Variants in CELSR1 observed in about 807,000 individuals in gnomAD.
CELSR1 encodes the protein cadherin EGF LAG seven-pass G-type receptor 1.
CELSR1 carries 110 observed loss-of-function variants against 249.1 expected under a neutral mutation model. The ratio of observed to expected loss-of-function variants is 0.44; its 90% CI spans 0.38 to 0.52. CELSR1 has a LOEUF of 0.52. CELSR1 is among the 20% of genes least tolerant of loss of function. The pLI, the probability that CELSR1 is intolerant of heterozygous loss-of-function variation, is 0.00. For synonymous variants in CELSR1, 2,113 were observed against 1,900.0 expected, an observed-to-expected ratio of 1.11 and a Z score of -2.92; for missense variants, 4,109 against 4,296.4, an observed-to-expected ratio of 0.96 and a Z score of 1.22.
intron 11 of CELSR1, 127 bp from the exon 12 acceptor site, chr22:46,397,975 T>G (rs2079169307): frequency 9.4e-6 from 8 of 852,610 alleles, no homozygotes; most frequent in Non-Finnish European, 8.3e-6. Context: ...TCTACAGAGC[T>G]GGGGCGGGCA....
intron 1 of CELSR1, among the ~76,000 whole-genome samples, chr22:46,523,046 C>T (rs1179592060): frequency 6.6e-6 from 1 of 152,358 alleles, no homozygotes; most frequent in African/African-American, 2.4e-5. Flanking sequence ...ACAATCAACT[C>T]ACTGACAAAT....
In CELSR1 at chr22:46,433,547, T is replaced by A. The variant is rs2079621782; in HGVS notation, c.4523-66A>T. Reference sequence around the variant, plus strand: ...GGCGGGGCCTACTGGGGACCGAGGATTGCGCTGTGAGGCATCAGGGGGAGA... The same window carrying A: ...GGCGGGGCCTACTGGGGACCGAGGAATGCGCTGTGAGGCATCAGGGGGAGA... On this transcript the variant is annotated intron_variant, in intron 4 of 34. Transcript: ENST00000674500. This position sits in a 1 kb window ranked among gnomAD's most constrained non-coding sequence, Gnocchi z 5.7. 7.7e-7 allele frequency: 1 copy of A among 1,303,018 alleles called. No individual in the cohort carries two copies. The highest frequency in any genetic ancestry group is 1.1e-6 in the Non-Finnish European group (1 of 916,226). The allele number at this position is 1,303,018 out of a possible 1,614,324, so 80.7% of individuals were successfully genotyped here.
chr22:46,501,179 C>T (rs2080462679), intron 1 of CELSR1, among the ~76,000 whole-genome samples: 1 of 150,784 alleles, frequency 6.6e-6, no homozygotes, highest in African/African-American at 2.4e-5. Context: ...CTTACAGGCA[C>T]CCGCCATCAT....
rs4823828 is a variant in CELSR1, at chr22:46,500,437, C to T, written c.3544+33190G>A. On this transcript the variant is annotated intron_variant, in intron 1 of 34. Transcript: ENST00000674500. The surrounding 1 kb of genome is among the most constrained non-coding windows in gnomAD (Gnocchi z 4.9). ...CTGGCAGTCGGTGCAGGAGGGCGAA[C>T]GGTTGATGGGCAACCATGGGGACAA... Among the ~76,000 whole-genome samples, 100,616 of 151,936 alleles carry T rather than the reference C, an allele frequency of 0.66. 34,808 individuals are homozygous for T. Among genetic ancestry groups the T allele is most frequent in the East Asian group, 0.98 (5,078 of 5,166 alleles).
chr22:46,391,175 C>A lies in CELSR1; in HGVS notation c.6250+11G>T, dbSNP rs375010005. ...GCCTCAGTTCCCTACACACAGGCCA[C>A]GGCGACTCACCAACGGATCCCTTAG... On this transcript the variant is annotated intron_variant, in intron 16 of 34. Transcript: ENST00000674500. The surrounding 1 kb of genome is among the most constrained non-coding windows in gnomAD (Gnocchi z 4.3). 6.2e-7 allele frequency: 1 copy of A among 1,609,018 alleles called. No individual in the cohort carries two copies. Among genetic ancestry groups the A allele is most frequent in the Non-Finnish European group, 8.5e-7 (1 of 1,177,532 alleles).
chr22:46,480,625 C>T (rs1157374070), intron 1 of CELSR1, among the ~76,000 whole-genome samples: 7 of 152,134 alleles, frequency 4.6e-5, no homozygotes, highest in South Asian at 2.1e-4. Flanking sequence ...ATGTTGGCAA[C>T]GAAGAGGAAA....
Position 46,374,980 on chromosome 22 carries a change from C to T in CELSR1, c.7585-1923G>A, listed in dbSNP as rs1320546547. 6.6e-6 allele frequency among the ~76,000 whole-genome samples: 1 copy of T among 152,118 alleles called. No individual in the cohort carries two copies. Among genetic ancestry groups the T allele is most frequent in the Non-Finnish European group, 1.5e-5 (1 of 67,990 alleles). On this transcript the variant is annotated intron_variant, in intron 24 of 34. Transcript: ENST00000674500. The surrounding 1 kb of genome is among the most constrained non-coding windows in gnomAD (Gnocchi z 4.3). ...GACACACGCCTCGGGGCTCGTCCTT[C>T]ATGGGCCAGGCCTGGTGCTCCACCT...
intron 5 of CELSR1, among the ~76,000 whole-genome samples, chr22:46,416,742 CTCT>C (rs1368168393): frequency 6.6e-6 from 1 of 152,182 alleles, no homozygotes; most frequent in Non-Finnish European, 1.5e-5. Context: ...GGGGTCCAGC[CTCT>C]TCTTATTTTC....
At chr22:46,375,365 T>G (rs1480893468) in intron 24 of CELSR1, among the ~76,000 whole-genome samples, 2 of 151,938 alleles carry the variant, frequency 1.3e-5, no homozygotes, top group Non-Finnish European at 2.9e-5. Flanking sequence ...TCTGGAGACG[T>G]CAAACTCCCC....
intron 1 of CELSR1, among the ~76,000 whole-genome samples, chr22:46,491,194 C>T (rs199894793): frequency 2.7e-5 from 4 of 150,730 alleles, no homozygotes; most frequent in African/African-American, 7.3e-5. Context: ...GACATGGCCA[C>T]GTCTCCTAGG....
rs146501892 is a variant in CELSR1 at position 46,495,682 on chromosome 22, G to C, written c.3545-31337C>G. Among the ~76,000 whole-genome samples, 829 of 152,116 alleles carry C rather than the reference G, an allele frequency of 5.4e-3. 1 individual carries two copies. The highest frequency in any genetic ancestry group is 7.8e-3 in the Non-Finnish European group (530 of 68,010). On this transcript the variant is annotated intron_variant, in intron 1 of 34. Coordinates refer to ENST00000674500, the MANE Select transcript of CELSR1 (RefSeq NM_001378328.1). ...GAAACCCTGTTTAGCCAGGCATGGT[G>C]GTGGGCGCCTATAGTCCCAGCTACT...
rs5767221 is a variant in CELSR1, at chr22:46,490,626, G to A, written c.3545-26281C>T. On this transcript the variant is annotated intron_variant, in intron 1 of 34. Coordinates refer to ENST00000674500, the MANE Select transcript of CELSR1 (RefSeq NM_001378328.1). This position sits in a 1 kb window ranked among gnomAD's most constrained non-coding sequence, Gnocchi z 5.2. ...AAATGTTCTAAGCAGAGTGAGCGTC[G>A]TGGAGCCTCCCTCAGGCATGGCTGT... 0.5 allele frequency among the ~76,000 whole-genome samples: 76,510 copies of A among 151,866 alleles called. 19,518 individuals carry two copies. Among genetic ancestry groups the A allele is most frequent in the African/African-American group, 0.56 (23,083 of 41,386 alleles).
rs143631035 is a variant in CELSR1, at chr22:46,366,993, C to T, written c.8205G>A (p.Thr2735=). Residue 2735 remains threonine, a splice_region_variant and synonymous_variant, in exon 29 of 35, where the codon ACG becomes ACA. Transcript: ENST00000674500. The part of the protein sequence containing the change: ...DSATTRATLL[T]RSLNCNTTFG... ...CCGCGGTGTCCCCGGCGCCTCCTACCGTCAGCAGGGTGGCCCTGGTGGTGG... is the reference window on the plus strand; with the variant it reads ...CCGCGGTGTCCCCGGCGCCTCCTACTGTCAGCAGGGTGGCCCTGGTGGTGG... 2.9e-5 allele frequency: 47 copies of T among 1,608,950 alleles called. No homozygotes were observed. The highest frequency in any genetic ancestry group is 1.5e-4 in the South Asian group (14 of 90,522).
Position 46,374,829 on chromosome 22 carries a change from A to G in CELSR1, c.7585-1772T>C, listed in dbSNP as rs2078900577. ...GGGATGCGCCCGGCTGCGGATGTGA[A>G]GAAACCCCTCCGCAGGAGCAGCGAC... On this transcript the variant is annotated intron_variant, in intron 24 of 34. Transcript: ENST00000674500. This position sits in a 1 kb window ranked among gnomAD's most constrained non-coding sequence, Gnocchi z 4.3. Among the ~76,000 whole-genome samples the G allele has an allele frequency of 6.6e-6, 1 of 152,182 alleles. No individual in the cohort carries two copies. Among genetic ancestry groups the G allele is most frequent in the Non-Finnish European group, 1.5e-5 (1 of 68,040 alleles).
rs934422706 is a variant in CELSR1, at chr22:46,440,302, G to C, written c.4184-891C>G. 6.6e-6 allele frequency among the ~76,000 whole-genome samples: 1 copy of C among 152,164 alleles called. No individual in the cohort carries two copies. Among genetic ancestry groups the C allele is most frequent in the Non-Finnish European group, 1.5e-5 (1 of 68,032 alleles). ...ACACTCCCGCCCCCGGACAGGGATG[G>C]TGAGCCGCAATCTGCACAGCCCATG... On this transcript the variant is annotated intron_variant, in intron 2 of 34. Transcript: ENST00000674500. This position sits in a 1 kb window ranked among gnomAD's most constrained non-coding sequence, Gnocchi z 4.7.
At chr22:46,461,432 T>G (rs2147573699) in intron 2 of CELSR1, among the ~76,000 whole-genome samples, 1 of 152,346 alleles carries the variant, frequency 6.6e-6, no homozygotes, top group South Asian at 2.1e-4. Flanking sequence ...GGGGATCTGC[T>G]GGCCCAGGGG....
In CELSR1 at chr22:46,399,679, AGGGTCTAT is replaced by A. The variant is rs757166674; in HGVS notation, c.5412+30_5412+37del. The A allele has an allele frequency of 6.3e-7, 1 of 1,594,598 alleles. No individual in the cohort carries two copies. The highest frequency in any genetic ancestry group is 8.6e-7 in the Non-Finnish European group (1 of 1,162,976). On this transcript the variant is annotated intron_variant, in intron 10 of 34. Transcript: ENST00000674500. The surrounding 1 kb of genome is among the most constrained non-coding windows in gnomAD (Gnocchi z 5.0). ...TTCTGTTTTTCCCTGGGCCGGAGGA[AGGGTCTAT>A]CCCCAGAGGAGGTGCAGGTGCCAGC...
intron 2 of CELSR1, among the ~76,000 whole-genome samples, chr22:46,443,338 G>T (rs956378486): frequency 1.3e-5 from 2 of 152,192 alleles, no homozygotes; most frequent in African/African-American, 4.8e-5. Context: ...GTCAGGGCAG[G>T]ATCCCATCCG....
intron 1 of CELSR1, among the ~76,000 whole-genome samples, chr22:46,483,506 C>G (rs2080287085): frequency 6.6e-6 from 1 of 151,756 alleles, no homozygotes; most frequent in Admixed American, 6.6e-5. Flanking sequence ...ACTCTGCCAC[C>G]CACTTCCTCT....
Sources: allele counts gnomAD v4.1 joint callset (sites outside exome capture counted in the v4.1 genomes callset), GRCh38; gene constraint gnomAD v4.1.1; non-coding constraint Gnocchi (gnomAD v3.1); transcripts MANE v1.5; gene names NCBI Gene and HGNC (gene_info 2026-07-23, HGNC 2026-07-21).